The following EML4 variants were observed in gnomAD, a reference collection of about 807,000 sequenced individuals.
The protein encoded by EML4 is EMAP like 4, also known as echinoderm microtubule-associated protein-like 4.
A neutral mutation model predicts 129.0 loss-of-function variants in EML4; 72 were observed. The observed-to-expected ratio is 0.56, with a 90% CI of 0.46 to 0.68. EML4 has a LOEUF of 0.68. Among genes scored for constraint, EML4 ranks in the 30% least tolerant of loss-of-function variants. The probability of loss-of-function intolerance (pLI) is 0.00; values close to 1 mark genes in which losing one functional copy is unlikely to be tolerated. For missense variants in EML4, 1,363 were observed against 1,190.6 expected (o/e 1.14, Z -2.13); for synonymous variants, 532 against 405.0 (o/e 1.31, Z -3.77).
At chr2:42,295,014 C>G (rs1351599694) in intron 11 of EML4, 111 bp from the exon 12 acceptor site, 2 of 943,392 alleles carry the variant, frequency 2.1e-6, no homozygotes, top group Non-Finnish European at 1.5e-6. Flanking sequence ...GAAGAAGAGG[C>G]ATTTTCTCAA....
Position 42,332,189 on chromosome 2 carries a change from C to T in EML4, c.*1982C>T. ...TTAAGTACCTGGGGAATACAGCTCTCAGTGATCAGCAGGGAGTTTATTTGA... is the reference window on the plus strand; with the variant it reads ...TTAAGTACCTGGGGAATACAGCTCTTAGTGATCAGCAGGGAGTTTATTTGA... On this transcript the variant is annotated 3_prime_UTR_variant, in exon 23 of 23. Coordinates refer to ENST00000318522, the MANE Select transcript of EML4 (RefSeq NM_019063.5). The T allele has an allele frequency of 4.6e-6, 1 of 219,046 alleles. No homozygotes were observed. Among genetic ancestry groups the T allele is most frequent in the Non-Finnish European group, 9.2e-6 (1 of 109,056 alleles). 13.6% of individuals were successfully genotyped at this position (219,046 alleles called of 1,614,324 possible).
At chr2:42,203,758 C>A (rs1672376138) in intron 1 of EML4, among the ~76,000 whole-genome samples, 1 of 150,830 alleles carries the variant, frequency 6.6e-6, no homozygotes, top group Non-Finnish European at 1.5e-5. Flanking sequence ...TACTTCTATG[C>A]CACATGTATA....
At chr2:42,318,130 CAT>C (rs1669337507) in intron 19 of EML4, among the ~76,000 whole-genome samples, 2 of 152,302 alleles carry the variant, frequency 1.3e-5, no homozygotes, top group South Asian at 4.1e-4. Flanking sequence ...ATATGTACAA[CAT>C]GTGTTCCTTT....
chr2:42,200,557 A>G (rs1444551167), intron 1 of EML4, among the ~76,000 whole-genome samples: 1 of 152,194 alleles, frequency 6.6e-6, no homozygotes, highest in Non-Finnish European at 1.5e-5. Context: ...ATTGAGATCA[A>G]AAGCTCTCTT....
chr2:42,325,778 CA>C (rs930182366), intron 20 of EML4, among the ~76,000 whole-genome samples: 1 of 151,194 alleles, frequency 6.6e-6, no homozygotes, highest in Non-Finnish European at 1.5e-5. Flanking sequence ...AAATGTGATT[CA>C]CTTCTCCAAG....
chr2:42,232,046 A>G (rs1674380337), intron 1 of EML4, among the ~76,000 whole-genome samples: 1 of 152,120 alleles, frequency 6.6e-6, no homozygotes, highest in African/African-American at 2.4e-5. Flanking sequence ...TTTTATATAC[A>G]GTAGTACTCA....
At chr2:42,213,467 C>G (rs975831989) in intron 1 of EML4, among the ~76,000 whole-genome samples, 2 of 152,152 alleles carry the variant, frequency 1.3e-5, no homozygotes, top group African/African-American at 4.8e-5. Context: ...TCCTGTTGGA[C>G]TAACCATGAA....
rs773098447 is a variant in EML4, at chr2:42,330,036, C to T, written c.2775C>T (p.Asn925=). 7.1e-5 allele frequency: 115 copies of T among 1,613,416 alleles called. No homozygotes were observed. Among genetic ancestry groups the T allele is most frequent in the Non-Finnish European group, 9.2e-5 (109 of 1,179,950 alleles). ...GCAGTTCTCCCACACTTCTGGAGAA[C>T]AGCCTGGAACAAACTGTGGAGCCAA... The part of the protein sequence containing the change: ...RISSSPTLLE[N]SLEQTVEPSE... The change falls in exon 23 of 23, where the codon AAC becomes AAT. Residue 925 remains asparagine (N), a synonymous_variant. Transcript: ENST00000318522.
intron 1 of EML4, among the ~76,000 whole-genome samples, chr2:42,208,779 G>A (rs891902485): frequency 1.4e-5 from 2 of 138,516 alleles, no homozygotes. Flanking sequence ...TTGAGACAGG[G>A]TCTCGTTCTG....
At chr2:42,287,591 A>G (rs1667381194) in intron 10 of EML4, among the ~76,000 whole-genome samples, 1 of 152,196 alleles carries the variant, frequency 6.6e-6, no homozygotes. Context: ...TACTATTTTT[A>G]AAAAGCATTT....
At chr2:42,313,931 C>T (rs1330435910) in intron 17 of EML4, among the ~76,000 whole-genome samples, 5 of 142,822 alleles carry the variant, frequency 3.5e-5, no homozygotes, top group African/African-American at 1.1e-4. Context: ...AGTGAGACTC[C>T]GTCTCAAAAA....
At chr2:42,229,886 G>T (rs1674216424) in intron 1 of EML4, among the ~76,000 whole-genome samples, 1 of 141,976 alleles carries the variant, frequency 7.0e-6, no homozygotes, top group East Asian at 2.1e-4. Context: ...AAGATAGATA[G>T]CCTCAAAATC....
chr2:42,199,508 T>C (rs1398137529), intron 1 of EML4, among the ~76,000 whole-genome samples: 1 of 152,188 alleles, frequency 6.6e-6, no homozygotes, highest in Admixed American at 6.5e-5. Context: ...TAATCATATG[T>C]GTGCTGCAAT....
chr2:42,257,663 G>A (rs1457651472), intron 3 of EML4, among the ~76,000 whole-genome samples: 9 of 151,912 alleles, frequency 5.9e-5, no homozygotes, highest in Admixed American at 5.2e-4. Context: ...GTGAAACCCC[G>A]TCTCTACTAA....
chr2:42,251,839 A>C (rs1023991712), intron 2 of EML4, among the ~76,000 whole-genome samples: 12 of 152,156 alleles, frequency 7.9e-5, no homozygotes, highest in Admixed American at 7.9e-4. Context: ...CACATTTTGG[A>C]ATTATTTTAA....
chr2:42,234,877 C>T (rs1049773446), intron 1 of EML4, among the ~76,000 whole-genome samples: 3 of 152,170 alleles, frequency 2.0e-5, no homozygotes, highest in Non-Finnish European at 4.4e-5. Context: ...TTATCTAGGC[C>T]GGGCACTGTG....
intron 11 of EML4, among the ~76,000 whole-genome samples, chr2:42,294,018 A>C (rs1335780872): frequency 6.6e-6 from 1 of 152,246 alleles, no homozygotes; most frequent in Non-Finnish European, 1.5e-5. Flanking sequence ...AATAATAAGG[A>C]GCTTTACAGG....
intron 4 of EML4, among the ~76,000 whole-genome samples, chr2:42,262,537 T>C (rs892551876): frequency 6.6e-6 from 1 of 152,190 alleles, no homozygotes; most frequent in Non-Finnish European, 1.5e-5. Context: ...TCTTTGGATA[T>C]ACTGTTGCAA....
intron 11 of EML4, among the ~76,000 whole-genome samples, chr2:42,291,398 CTTTTTT>C (rs5830720): frequency 8.1e-6 from 1 of 123,142 alleles, no homozygotes. Flanking sequence ...ATCAAGACAC[CTTTTTT>C]TTTTTTTTTT....
Sources: gnomAD v4.1 joint callset for allele counts (sites outside exome capture counted in the v4.1 genomes callset) on GRCh38, gnomAD v4.1.1 for gene constraint, MANE v1.5 for transcripts, NCBI Gene and HGNC (gene_info 2026-07-23, HGNC 2026-07-21) for gene names.